Variants in CD8A observed in about 807,000 individuals in gnomAD.
The protein encoded by CD8A is CD8 subunit alpha.
CD8A carries 25 observed loss-of-function variants against 24.2 expected under a neutral mutation model. The observed-to-expected ratio is 1.03, with a 90% CI of 0.75 to 1.44. The LOEUF (loss-of-function observed/expected upper bound fraction) is 1.44. Ranked by LOEUF, CD8A falls within the 40% of genes most tolerant of loss-of-function variation. The pLI is 0.00. For synonymous variants in CD8A, 165 were observed against 149.9 expected, an observed-to-expected ratio of 1.10 and a Z score of -0.74; for missense variants, 360 against 319.7, an observed-to-expected ratio of 1.13 and a Z score of -0.96.
At chr2:86,793,737 A>G (rs1429121865), upstream of CD8A, among the ~76,000 whole-genome samples, 1 of 152,228 alleles carries the variant, frequency 6.6e-6, no homozygotes, top group South Asian at 2.1e-4. Context: ...GATCTTGAGA[A>G]TCAGGCCCCT....
At chr2:86,790,293 C>T (rs1036966029) in intron 2 of CD8A, 35 bp downstream of exon 2, 5 of 1,479,850 alleles carry the variant, frequency 3.4e-6, no homozygotes, top group Non-Finnish European at 3.8e-6. Flanking sequence ...ACCCCAAGCC[C>T]CACGCGGAGA....
intron 2 of CD8A, among the ~76,000 whole-genome samples, chr2:86,805,444 C>T (rs563678138): frequency 6.6e-5 from 10 of 152,222 alleles, no homozygotes; most frequent in Non-Finnish European, 1.2e-4. Context: ...CACACTCACA[C>T]CAGCTGTGGA....
upstream of CD8A, among the ~76,000 whole-genome samples, chr2:86,794,540 A>G (rs184720397): frequency 1.7e-3 from 254 of 152,276 alleles, 4 homozygotes; most frequent in East Asian, 0.032. Context: ...TTAATTGGAA[A>G]TACCAATCAA....
intron 3 of CD8A, among the ~76,000 whole-genome samples, chr2:86,800,286 C>T (rs892778969): frequency 2.0e-5 from 3 of 151,450 alleles, no homozygotes; most frequent in Non-Finnish European, 4.4e-5. Context: ...GGTGAAACCC[C>T]GTCTCTACTA....
intron 5 of CD8A, among the ~76,000 whole-genome samples, chr2:86,787,019 CAAAAAA>C (rs745778659): frequency 1.1e-4 from 4 of 36,562 alleles, no homozygotes; most frequent in Admixed American, 1.1e-3. Context: ...GACTCCGTCT[CAAAAAA>C]AAAAAAAAAA....
Position 86,789,403 on chromosome 2 carries a change from T to C in CD8A, c.545A>G (p.Asp182Gly), listed in dbSNP as rs758634216. ...VHTRGLDFAC[D>G]IYIWAPLAGT... ...GGCCAAGGGCGCCCAGATGTAGATA[T>C]CACAGGCGAAGTCCAGCCCCCTCGT... is the stretch of plus-strand genomic sequence containing the variant. The change falls in exon 4 of 6, where the codon GAT (aspartate) becomes GGT (glycine). Residue 182 changes from aspartate to glycine, a missense_variant. By Grantham distance (94) the Asp-to-Gly change is moderately conservative. Transcript: ENST00000283635. 9.3e-6 allele frequency: 15 copies of C among 1,613,822 alleles called. No individual in the cohort carries two copies. Among genetic ancestry groups the C allele is most frequent in the Non-Finnish European group, 1.3e-5 (15 of 1,179,850 alleles).
chr2:86,803,289 C>T (rs899230745), intron 2 of CD8A, among the ~76,000 whole-genome samples: 1 of 152,186 alleles, frequency 6.6e-6, no homozygotes, highest in Admixed American at 6.5e-5. Flanking sequence ...GAAATGAAAT[C>T]ACCACCTCAC....
chr2:86,790,233 G>T, intron 2 of CD8A, 95 bp downstream of exon 2: 1 of 911,102 alleles, frequency 1.1e-6, no homozygotes, highest in South Asian at 1.3e-5. Context: ...TTCCAGGTGC[G>T]CTAAGAGGCT....
upstream of CD8A, among the ~76,000 whole-genome samples, chr2:86,793,620 C>A (rs965972324): frequency 2.0e-5 from 3 of 152,192 alleles, no homozygotes; most frequent in African/African-American, 7.2e-5. Context: ...GCCCTGCTGG[C>A]CAAAGGCTAC....
upstream of CD8A, chr2:86,791,801 C>G (rs141578385): frequency 1.8e-5 from 7 of 385,364 alleles, no homozygotes; most frequent in Non-Finnish European, 3.6e-5. Flanking sequence ...GTCATTCAAC[C>G]CCTGCGCTCT....
At chr2:86,793,721 T>C (rs538597865), upstream of CD8A, among the ~76,000 whole-genome samples, 21 of 152,322 alleles carry the variant, frequency 1.4e-4, no homozygotes, top group South Asian at 2.1e-4. Context: ...AACCTCCACC[T>C]ATTTGGATCT....
At chr2:86,791,012 C>A (rs567647961), upstream of CD8A, 3 of 737,550 alleles carry the variant, frequency 4.1e-6, no homozygotes, top group South Asian at 4.4e-5. Context: ...TCGCGGTTGT[C>A]GCCTTCCAGC....
At chr2:86,791,405 CCCA>C (rs1230073758), upstream of CD8A, 681 of 418,958 alleles carry the variant, frequency 1.6e-3, 9 homozygotes, top group Admixed American at 0.017. Flanking sequence ...TCTCCCTTCC[CCCA>C]GGAGATTTCC....
chr2:86,791,043 C>T (rs1472230120), upstream of CD8A: 1 of 707,592 alleles, frequency 1.4e-6, no homozygotes, highest in Admixed American at 2.0e-5. Flanking sequence ...GGCTGGGGCC[C>T]GTGAATAGGG....
At chr2:86,795,772 A>G (rs1673462387), upstream of CD8A, among the ~76,000 whole-genome samples, 1 of 152,148 alleles carries the variant, frequency 6.6e-6, no homozygotes, top group Non-Finnish European at 1.5e-5. Flanking sequence ...CACCCATGTA[A>G]GGCCTAGTTC....
At chr2:86,795,703 C>T (rs948795563), upstream of CD8A, among the ~76,000 whole-genome samples, 3 of 152,078 alleles carry the variant, frequency 2.0e-5, no homozygotes, top group Non-Finnish European at 4.4e-5. Flanking sequence ...GAGCCAGGCT[C>T]TCTGCTTGAA....
At chr2:86,791,155 T>A, upstream of CD8A, 2 of 582,510 alleles carry the variant, frequency 3.4e-6, no homozygotes, top group Non-Finnish European at 6.4e-6. Flanking sequence ...GGTTGTCTTG[T>A]GAGAGTGACA....
intron 2 of CD8A, among the ~76,000 whole-genome samples, chr2:86,804,854 G>A (rs1405553496): frequency 1.4e-5 from 2 of 145,082 alleles, no homozygotes; most frequent in East Asian, 2.0e-4. Flanking sequence ...CCAGGCTGGA[G>A]TGCAGTGGTG....
At chr2:86,789,799 G>GCACCCC (rs55827403) in intron 2 of CD8A, 49 bp from the exon 3 acceptor site, 75,222 of 1,098,906 alleles carry the variant, frequency 0.068, 3,045 homozygotes, top group Non-Finnish European at 0.079. Context: ...GGTTATGGAG[G>GCACCCC]CGCCCCAGCC....
Sources: allele counts gnomAD v4.1 joint callset (sites outside exome capture counted in the v4.1 genomes callset), GRCh38; gene constraint gnomAD v4.1.1; transcripts MANE v1.5; gene names NCBI Gene and HGNC (gene_info 2026-07-23, HGNC 2026-07-21).